Variants in IQCJ observed in about 807,000 individuals in gnomAD.
IQCJ encodes IQ domain-containing protein J.
IQCJ carries 9 observed loss-of-function variants against 11.0 expected under a neutral mutation model. That is an observed-to-expected ratio of 0.82 (90% confidence interval 0.49 to 1.43). The LOEUF (loss-of-function observed/expected upper bound fraction) is 1.43, where lower values mean the gene tolerates loss of function less well. Among genes scored for constraint, IQCJ ranks in the 40% most tolerant of loss-of-function variants. The probability of loss-of-function intolerance (pLI) is 0.00; values close to 1 mark genes in which losing one functional copy is unlikely to be tolerated. For missense variants in IQCJ, 146 were observed against 133.2 expected, an observed-to-expected ratio of 1.10 and a Z score of -0.47; for synonymous variants, 55 against 51.3, an observed-to-expected ratio of 1.07 and a Z score of -0.31.
At chr3:159,101,624 T>G (rs1717928953) in intron 1 of IQCJ, among the ~76,000 whole-genome samples, 4 of 152,220 alleles carry the variant, frequency 2.6e-5, no homozygotes, top group Admixed American at 6.5e-5. Context: ...TGGGTAGTGA[T>G]CTCACAGGAA....
intron 1 of IQCJ, among the ~76,000 whole-genome samples, chr3:159,191,241 G>A (rs1232966470): frequency 1.3e-5 from 2 of 152,144 alleles, no homozygotes; most frequent in African/African-American, 4.8e-5. Flanking sequence ...CCTTCTCTAG[G>A]CTCAGGTTGG....
chr3:159,191,099 C>T (rs1723660113), intron 1 of IQCJ, among the ~76,000 whole-genome samples: 3 of 152,184 alleles, frequency 2.0e-5, no homozygotes, highest in Admixed American at 6.5e-5. Context: ...GGGGAAAACG[C>T]AACTCCTCCT....
At chr3:159,128,364 A>G (rs1370437468) in intron 1 of IQCJ, among the ~76,000 whole-genome samples, 3 of 152,236 alleles carry the variant, frequency 2.0e-5, no homozygotes, top group Admixed American at 6.5e-5. Context: ...AATTAATTTC[A>G]GACTGGCTAT....
intron 1 of IQCJ, among the ~76,000 whole-genome samples, chr3:159,194,668 T>TTTAGCATCCTA (rs539764813): frequency 3.3e-5 from 5 of 152,184 alleles, no homozygotes; most frequent in Non-Finnish European, 7.3e-5. Context: ...GTATATCTAT[T>TTTAGCATCCTA]TTAGCATCCT....
intron 1 of IQCJ, among the ~76,000 whole-genome samples, chr3:159,108,567 C>T (rs1718418183): frequency 6.6e-6 from 1 of 152,140 alleles, no homozygotes; most frequent in Non-Finnish European, 1.5e-5. Flanking sequence ...CTATCAGTTA[C>T]TTACATTGAG....
chr3:159,141,954 T>C (rs188602962), intron 1 of IQCJ, among the ~76,000 whole-genome samples: 15 of 152,340 alleles, frequency 9.8e-5, no homozygotes, highest in Admixed American at 9.2e-4. Flanking sequence ...TGTACCTTTT[T>C]GTTGTTGCTA....
chr3:159,245,156 G>T (rs1727177423), intron 1 of IQCJ, among the ~76,000 whole-genome samples: 1 of 152,120 alleles, frequency 6.6e-6, no homozygotes, highest in Non-Finnish European at 1.5e-5. Flanking sequence ...CTATGGAGAA[G>T]AGGTTGCCAC....
chr3:159,118,494 C>G (rs1205722873), intron 1 of IQCJ, among the ~76,000 whole-genome samples: 1 of 152,290 alleles, frequency 6.6e-6, no homozygotes, highest in African/African-American at 2.4e-5. Context: ...CTCATAAAAT[C>G]TCCAAAAACC....
chr3:159,236,349 A>T (rs892110258), intron 1 of IQCJ, among the ~76,000 whole-genome samples: 5 of 149,962 alleles, frequency 3.3e-5, no homozygotes, highest in African/African-American at 1.2e-4. Context: ...TTTATTTTTG[A>T]TGCCTTTTTG....
At chr3:159,220,724 G>A (rs1374875356) in intron 1 of IQCJ, among the ~76,000 whole-genome samples, 1 of 152,128 alleles carries the variant, frequency 6.6e-6, no homozygotes, top group Admixed American at 6.6e-5. Context: ...GAGGATCCCC[G>A]ATGAACAAGA....
chr3:159,260,312 T>G (rs1422036675), intron 3 of IQCJ, among the ~76,000 whole-genome samples: 2 of 152,234 alleles, frequency 1.3e-5, no homozygotes, highest in Non-Finnish European at 2.9e-5. Flanking sequence ...ATTTTGTTTT[T>G]GTATGTTCTG....
intron 2 of IQCJ, 76 bp downstream of exon 2, chr3:159,245,983 ATAAG>A (rs902612891): frequency 3.5e-6 from 4 of 1,156,812 alleles, no homozygotes; most frequent in Admixed American, 4.7e-5. Flanking sequence ...TCTGGTAAAA[ATAAG>A]TAAGTAAATT....
chr3:159,164,325 T>C (rs556888253), intron 1 of IQCJ, among the ~76,000 whole-genome samples: 2 of 152,194 alleles, frequency 1.3e-5, no homozygotes, highest in Non-Finnish European at 2.9e-5. Context: ...ACAAATCAGA[T>C]GTTCACAAAG....
chr3:159,176,912 T>C (rs1050459364), intron 1 of IQCJ, among the ~76,000 whole-genome samples: 5 of 152,150 alleles, frequency 3.3e-5, no homozygotes, highest in Non-Finnish European at 5.9e-5. Flanking sequence ...AAAGTGGTGA[T>C]AAAATATATG....
chr3:159,073,372 T>C (rs1026146085), intron 1 of IQCJ, among the ~76,000 whole-genome samples: 2 of 152,022 alleles, frequency 1.3e-5, no homozygotes, highest in African/African-American at 4.8e-5. Flanking sequence ...CTCTACAAAA[T>C]GTATCATAGG....
At chr3:159,203,088 A>T (rs1257047323) in intron 1 of IQCJ, among the ~76,000 whole-genome samples, 1 of 151,582 alleles carries the variant, frequency 6.6e-6, no homozygotes, top group African/African-American at 2.4e-5. Flanking sequence ...CATTAACAAA[A>T]TCTCTTTCTC....
At chr3:159,226,912 T>G (rs1725889653) in intron 1 of IQCJ, among the ~76,000 whole-genome samples, 1 of 152,232 alleles carries the variant, frequency 6.6e-6, no homozygotes, top group Non-Finnish European at 1.5e-5. Context: ...GGATTGTGTG[T>G]GTTGTGTCCA....
intron 1 of IQCJ, among the ~76,000 whole-genome samples, chr3:159,214,902 G>T (rs1249544681): frequency 4.6e-5 from 7 of 152,128 alleles, no homozygotes; most frequent in Non-Finnish European, 2.9e-5. Flanking sequence ...GAGCCACAGG[G>T]CATATTGTTA....
At chr3:159,245,458 CTT>C (rs34153369) in intron 1 of IQCJ, among the ~76,000 whole-genome samples, 8 of 113,058 alleles carry the variant, frequency 7.1e-5, no homozygotes, top group Middle Eastern at 4.9e-3. Context: ...GTCCTGAATT[CTT>C]TTTTTTTTTT....
Sources: gnomAD v4.1 joint callset for allele counts (sites outside exome capture counted in the v4.1 genomes callset) on GRCh38, gnomAD v4.1.1 for gene constraint, MANE v1.5 for transcripts, NCBI Gene and HGNC (gene_info 2026-07-23, HGNC 2026-07-21) for gene names.